CFAP77: variants seen among roughly 807,000 people sequenced by gnomAD.
The protein encoded by CFAP77 is cilia and flagella associated protein 77.
A neutral mutation model predicts 31.1 loss-of-function variants in CFAP77; 25 were observed. The ratio of observed to expected loss-of-function variants is 0.80; its 90% CI spans 0.59 to 1.12. The LOEUF (loss-of-function observed/expected upper bound fraction) is 1.12, where lower values mean the gene tolerates loss of function less well. Ranked by LOEUF, CFAP77 falls within the 50% of genes most tolerant of loss-of-function variation. The pLI is 0.00. For synonymous variants in CFAP77, 151 were observed against 159.9 expected, an observed-to-expected ratio of 0.94 and a Z score of 0.42; for missense variants, 377 against 397.3, an observed-to-expected ratio of 0.95 and a Z score of 0.44.
chr9:132,493,895 TTTCC>T (rs540617678), intron 1 of CFAP77, among the ~76,000 whole-genome samples: 3 of 151,776 alleles, frequency 2.0e-5, no homozygotes, highest in Admixed American at 2.0e-4. Flanking sequence ...TTTTCTTTTC[TTTCC>T]TTCCTTCCTT....
At chr9:132,532,035 T>C (rs1852461984) in intron 3 of CFAP77, among the ~76,000 whole-genome samples, 1 of 152,142 alleles carries the variant, frequency 6.6e-6, no homozygotes, top group Non-Finnish European at 1.5e-5. Flanking sequence ...AACACAGCTA[T>C]AAATTAGGCT....
At chr9:132,507,870 C>T (rs1015713911) in intron 3 of CFAP77, among the ~76,000 whole-genome samples, 1 of 151,722 alleles carries the variant, frequency 6.6e-6, no homozygotes, top group Non-Finnish European at 1.5e-5. Context: ...CAAAGATCCC[C>T]GGGCCTCAGA....
At position 132,434,862 on chromosome 9, in the gene CFAP77, C is replaced by T. The variant is rs145678223; in HGVS notation, c.195+24396C>T. Among the ~76,000 whole-genome samples the T allele has an allele frequency of 9.2e-4, 140 of 152,320 alleles. 2 individuals carry two copies. In the East Asian group the frequency reaches 0.023, roughly 25 times the overall value. Reference sequence around the variant, plus strand: ...ACCGTGATCCCTTCCAGCATGGCCACTCTGTCAGATGCACGCTCTGCCTGG... The same window carrying T: ...ACCGTGATCCCTTCCAGCATGGCCATTCTGTCAGATGCACGCTCTGCCTGG... On this transcript the variant is annotated intron_variant, in intron 1 of 5. Transcript: ENST00000393216.
intron 3 of CFAP77, among the ~76,000 whole-genome samples, chr9:132,532,371 GC>G (rs1340170962): frequency 6.6e-6 from 1 of 152,236 alleles, no homozygotes; most frequent in Non-Finnish European, 1.5e-5. Flanking sequence ...CCGGCAGAGA[GC>G]GGAGCCAGCC....
rs528002254 is a variant in CFAP77, at chr9:132,501,547, C to T, written c.524+1947C>T. Among the ~76,000 whole-genome samples, 21 of 152,202 alleles carry T rather than the reference C, an allele frequency of 1.4e-4. 1 individual carries two copies. The highest frequency in any genetic ancestry group is 3.1e-4 in the African/African-American group (13 of 41,530). On this transcript the variant is annotated intron_variant, in intron 3 of 5. Transcript: ENST00000393216. This position sits in a 1 kb window ranked among gnomAD's most constrained non-coding sequence, Gnocchi z 4.6. The stretch of plus-strand genomic sequence containing the variant: ...CCTCCCGAGTAGCTGGGACTACAGG[C>T]GTGCACCAACACGCCTGGCCAATTT...
intron 1 of CFAP77, among the ~76,000 whole-genome samples, chr9:132,470,607 C>T (rs886995382): frequency 2.0e-5 from 3 of 152,222 alleles, no homozygotes; most frequent in South Asian, 2.1e-4. Flanking sequence ...TTCCCAAGTG[C>T]GTCCAATGCT....
chr9:132,513,238 C>T, intron 3 of CFAP77: 1 of 1,539,664 alleles, frequency 6.5e-7, no homozygotes, highest in South Asian at 1.2e-5. Flanking sequence ...TTTAACCAAT[C>T]CTTTCTTTTG....
rs1236349701 is a variant in CFAP77, at chr9:132,565,322, C to A, written c.733-7066C>A. Among the ~76,000 whole-genome samples, 1 of 152,002 alleles carries A rather than the reference C, an allele frequency of 6.6e-6. No homozygotes were observed. The highest frequency in any genetic ancestry group is 6.6e-5 in the Admixed American group (1 of 15,230). ...CAGATGGAGGTAGATTTCCCCAGTC[C>A]ACAATCTTATTAAATAGCTCTTGTC... On this transcript the variant is annotated intron_variant, in intron 5 of 5. Coordinates refer to ENST00000393216, the MANE Select transcript of CFAP77 (RefSeq NM_001282957.2). The surrounding 1 kb of genome is among the most constrained non-coding windows in gnomAD (Gnocchi z 4.1).
intron 1 of CFAP77, among the ~76,000 whole-genome samples, chr9:132,459,637 GTGTA>G (rs1432137050): frequency 1.3e-5 from 2 of 151,570 alleles, no homozygotes; most frequent in Admixed American, 6.6e-5. Flanking sequence ...GTGTATACAT[GTGTA>G]TGTATGTGTG....
At chr9:132,433,608 C>T (rs1423245371) in intron 1 of CFAP77, among the ~76,000 whole-genome samples, 2 of 151,378 alleles carry the variant, frequency 1.3e-5, no homozygotes, top group East Asian at 3.9e-4. Context: ...AGTGCAGTGG[C>T]ACAATCTTGG....
intron 1 of CFAP77, among the ~76,000 whole-genome samples, chr9:132,438,632 C>T (rs1850557795): frequency 6.7e-6 from 1 of 148,862 alleles, no homozygotes. Flanking sequence ...ACCTCCTGGG[C>T]TCAATCAATC....
intron 4 of CFAP77, among the ~76,000 whole-genome samples, chr9:132,541,877 C>A (rs1369020620): frequency 6.6e-6 from 1 of 152,184 alleles, no homozygotes; most frequent in Admixed American, 6.5e-5. Flanking sequence ...TGTCTGTGTG[C>A]TTCACACCAT....
rs202047981 is a variant in CFAP77 at position 132,572,326 on chromosome 9, C to T, written c.733-62C>T. On this transcript the variant is annotated intron_variant, in intron 5 of 5. Transcript: ENST00000393216. ...TGAAGCAGGGGGCAGGCGAGGGGAG[C>T]AACTGGAATGAGCTACACTGAAGTC... The T allele has an allele frequency of 8.6e-4, 1,322 of 1,543,686 alleles. 24 individuals are homozygous for T. Among genetic ancestry groups the T allele is most frequent in the Admixed American group, 6.5e-4 (34 of 52,300 alleles).
At chr9:132,502,015 T>C (rs1169094994) in intron 3 of CFAP77, among the ~76,000 whole-genome samples, 1 of 152,226 alleles carries the variant, frequency 6.6e-6, no homozygotes, top group East Asian at 1.9e-4. Context: ...CCAATATTTG[T>C]GCATTGCACT....
Position 132,545,604 on chromosome 9 carries a change from T to A in CFAP77, c.732+2557T>A, listed in dbSNP as rs895299456. On this transcript the variant is annotated intron_variant, in intron 5 of 5. Coordinates refer to ENST00000393216, the MANE Select transcript of CFAP77 (RefSeq NM_001282957.2). This position sits in a 1 kb window ranked among gnomAD's most constrained non-coding sequence, Gnocchi z 4.6. ...TGGGGAATTGTGCCGGGTTCATCCC[T>A]GGATGCCACCCTGTCCAACCCAGCA... Among the ~76,000 whole-genome samples the A allele has an allele frequency of 6.6e-6, 1 of 152,214 alleles. No homozygotes were observed. Among genetic ancestry groups the A allele is most frequent in the Non-Finnish European group, 1.5e-5 (1 of 68,024 alleles).
chr9:132,448,728 A>G (rs1246248424), intron 1 of CFAP77, among the ~76,000 whole-genome samples: 1 of 152,154 alleles, frequency 6.6e-6, no homozygotes, highest in Non-Finnish European at 1.5e-5. Context: ...CTGGGATTGC[A>G]GGCATGCACC....
intron 3 of CFAP77, among the ~76,000 whole-genome samples, chr9:132,507,215 C>T (rs970028333): frequency 2.0e-5 from 3 of 152,224 alleles, no homozygotes; most frequent in Admixed American, 1.3e-4. Flanking sequence ...GCTTTTCTCA[C>T]GCCAGGATCT....
intron 5 of CFAP77, among the ~76,000 whole-genome samples, chr9:132,558,834 TG>T (rs1852946946): frequency 2.2e-5 from 1 of 45,506 alleles, no homozygotes; most frequent in Admixed American, 1.4e-4. Flanking sequence ...CCAACGTGGT[TG>T]AAACCCCGTC....
chr9:132,556,269 A>C (rs1852904342), intron 5 of CFAP77, among the ~76,000 whole-genome samples: 1 of 152,128 alleles, frequency 6.6e-6, no homozygotes, highest in South Asian at 2.1e-4. Context: ...TAAAAGAAAA[A>C]GTCCTCCTCC....
Sources: allele counts gnomAD v4.1 joint callset (sites outside exome capture counted in the v4.1 genomes callset), GRCh38; gene constraint gnomAD v4.1.1; non-coding constraint Gnocchi (gnomAD v3.1); transcripts MANE v1.5; gene names NCBI Gene and HGNC (gene_info 2026-07-23, HGNC 2026-07-21).